Variants in INVS observed in about 807,000 individuals in gnomAD.
INVS encodes inversin.
In INVS, 86 loss-of-function variants were observed where a neutral mutation model predicts 108.8. The ratio of observed to expected loss-of-function variants is 0.79; its 90% CI spans 0.66 to 0.95. The LOEUF (loss-of-function observed/expected upper bound fraction) is 0.95. Ranked by LOEUF, INVS falls within the 40% of genes least tolerant of loss-of-function variation. INVS has a pLI of 0.00. For synonymous variants in INVS, 455 were observed against 473.5 expected (o/e 0.96, Z 0.51); for missense variants, 1,169 against 1,297.4 (o/e 0.90, Z 1.52).
At chr9:100,298,081 A>C (rs1480256034) in intron 16 of INVS, 71 bp downstream of exon 16, 1 of 1,610,574 alleles carries the variant, frequency 6.2e-7, no homozygotes, top group South Asian at 1.1e-5. Context: ...TTCATCCCCA[A>C]AGACAGAAGA....
chr9:100,103,009 C>T (rs933295190), intron 1 of INVS, among the ~76,000 whole-genome samples: 10 of 152,084 alleles, frequency 6.6e-5, no homozygotes, highest in East Asian at 3.9e-4. Flanking sequence ...CGCGCCACCA[C>T]GCCCAGCTAA....
chr9:100,302,059 G>C lies in INVS; in HGVS notation c.*1385G>C. On this transcript the variant is annotated 3_prime_UTR_variant, in exon 17 of 17. Transcript: ENST00000262457. Reference sequence around the variant, plus strand: ...GCCCAAACATTATTTTCATATATCAGTGCAAAGAAAGAAGGTTCGTAAACT... The same window carrying C: ...GCCCAAACATTATTTTCATATATCACTGCAAAGAAAGAAGGTTCGTAAACT... The C allele has an allele frequency of 1.8e-6, 1 of 551,550 alleles. No individual in the cohort carries two copies. The highest frequency in any genetic ancestry group is 3.1e-6 in the Non-Finnish European group (1 of 321,640). 34.2% of individuals were successfully genotyped at this position (551,550 alleles called of 1,614,324 possible).
chr9:100,254,974 G>A (rs902120769), intron 10 of INVS, among the ~76,000 whole-genome samples: 13 of 152,164 alleles, frequency 8.5e-5, no homozygotes, highest in Non-Finnish European at 1.5e-4. Flanking sequence ...GTAGCTTGAT[G>A]GGGATGGCAT....
intron 14 of INVS, among the ~76,000 whole-genome samples, chr9:100,294,693 G>T (rs1439441182): frequency 6.6e-6 from 1 of 152,180 alleles, no homozygotes; most frequent in Admixed American, 6.5e-5. Flanking sequence ...GTCAAGCTAA[G>T]GGAGGTGGAG....
chr9:100,298,103 A>G, intron 16 of INVS, 93 bp downstream of exon 16: 1 of 1,600,130 alleles, frequency 6.2e-7, no homozygotes, highest in Non-Finnish European at 8.5e-7. Context: ...ATTAGAACAG[A>G]TATGGCCAGG....
chr9:100,211,555 T>G (rs551131215), intron 3 of INVS, among the ~76,000 whole-genome samples: 2 of 152,354 alleles, frequency 1.3e-5, no homozygotes, highest in African/African-American at 4.8e-5. Flanking sequence ...TCATTTGTGC[T>G]GTTTGACTCC....
intron 2 of INVS, among the ~76,000 whole-genome samples, chr9:100,126,038 A>C (rs1370002495): frequency 6.6e-6 from 1 of 152,178 alleles, no homozygotes; most frequent in African/African-American, 2.4e-5. Context: ...CTAGTGTACA[A>C]TTGGCATTAA....
chr9:100,249,941 C>T (rs1364226607), intron 8 of INVS, among the ~76,000 whole-genome samples: 3 of 151,848 alleles, frequency 2.0e-5, no homozygotes, highest in African/African-American at 7.2e-5. Context: ...CCCGTCTCTG[C>T]TAACATTATA....
chr9:100,104,748 A>G (rs1383326601), intron 2 of INVS, 121 bp downstream of exon 2: 4 of 740,752 alleles, frequency 5.4e-6, no homozygotes, highest in African/African-American at 1.7e-5. Context: ...GTTATTATTT[A>G]TATTTTCTTC....
chr9:100,179,709 C>A (rs552342146), intron 3 of INVS, among the ~76,000 whole-genome samples: 1 of 152,002 alleles, frequency 6.6e-6, no homozygotes, highest in African/African-American at 2.4e-5. Flanking sequence ...CTTGAACACC[C>A]CACTGTCAAT....
At chr9:100,207,692 A>T (rs541819095) in intron 3 of INVS, among the ~76,000 whole-genome samples, 3 of 152,354 alleles carry the variant, frequency 2.0e-5, no homozygotes, top group Admixed American at 2.0e-4. Flanking sequence ...AAACAAAAAA[A>T]CTAAAAAGGA....
intron 3 of INVS, among the ~76,000 whole-genome samples, chr9:100,200,789 A>T (rs1830510861): frequency 6.6e-6 from 1 of 152,156 alleles, no homozygotes; most frequent in Non-Finnish European, 1.5e-5. Context: ...ATATGCATAT[A>T]TGGGGCTTCC....
intron 3 of INVS, among the ~76,000 whole-genome samples, chr9:100,152,005 C>T (rs7042029): frequency 2.6e-5 from 4 of 152,124 alleles, no homozygotes; most frequent in African/African-American, 9.7e-5. Context: ...TTAATATGGC[C>T]GTGGTTGTTG....
At chr9:100,271,764 T>C (rs1015731774) in intron 11 of INVS, among the ~76,000 whole-genome samples, 2 of 152,248 alleles carry the variant, frequency 1.3e-5, no homozygotes, top group African/African-American at 2.4e-5. Flanking sequence ...GAGCTATTAG[T>C]ACTCTTCTGG....
chr9:100,131,374 A>G (rs898571040), intron 3 of INVS, among the ~76,000 whole-genome samples: 16 of 152,144 alleles, frequency 1.1e-4, no homozygotes, highest in African/African-American at 3.6e-4. Context: ...TGCTTGGCTT[A>G]GTTATTTTGG....
intron 4 of INVS, among the ~76,000 whole-genome samples, chr9:100,227,170 G>A (rs1361186577): frequency 6.6e-6 from 1 of 152,212 alleles, no homozygotes; most frequent in African/African-American, 2.4e-5. Flanking sequence ...AAGGAATTAC[G>A]TGTTGTTTAT....
intron 2 of INVS, among the ~76,000 whole-genome samples, chr9:100,120,264 C>T (rs1827685730): frequency 6.6e-6 from 1 of 152,014 alleles, no homozygotes; most frequent in Non-Finnish European, 1.5e-5. Flanking sequence ...ACACAGATTC[C>T]TTATAAATTA....
At chr9:100,135,734 GATA>G (rs1020871120) in intron 3 of INVS, among the ~76,000 whole-genome samples, 3 of 152,078 alleles carry the variant, frequency 2.0e-5, no homozygotes, top group African/African-American at 7.2e-5. Context: ...AGGCTTCGGT[GATA>G]ATGACTAGTA....
rs550300252 is a variant in INVS at position 100,236,690 on chromosome 9, T to A, written c.616-3370T>A. ...TTGCGTGGGTATCACCAGCAGAGGC[T>A]ACGGAACAGTAAAGATTGCTGCCTG... is the stretch of plus-strand genomic sequence containing the variant. On this transcript the variant is annotated intron_variant, in intron 5 of 16. Transcript: ENST00000262457. 2.6e-5 allele frequency among the ~76,000 whole-genome samples: 4 copies of A among 152,328 alleles called. No homozygotes were observed. The East Asian group carries it at 7.7e-4, about 29-fold the overall frequency.
Sources: gnomAD v4.1 joint callset for allele counts (sites outside exome capture counted in the v4.1 genomes callset) on GRCh38, gnomAD v4.1.1 for gene constraint, MANE v1.5 for transcripts, NCBI Gene and HGNC (gene_info 2026-07-23, HGNC 2026-07-21) for gene names.